Variants in MYO9A observed in about 807,000 individuals in gnomAD.
MYO9A encodes the protein myosin IXA.
A neutral mutation model predicts 293.3 loss-of-function variants in MYO9A; 103 were observed. The observed-to-expected ratio is 0.35, with a 90% CI of 0.30 to 0.41. The LOEUF is 0.41. Among genes scored for constraint, MYO9A ranks in the 10% least tolerant of loss-of-function variants. The pLI is 1.00. For synonymous variants in MYO9A, 1,001 were observed against 1,035.7 expected, an observed-to-expected ratio of 0.97 and a Z score of 0.64; for missense variants, 2,685 against 3,033.0, an observed-to-expected ratio of 0.89 and a Z score of 2.69.
At chr15:71,970,930 G>A (rs1200874814) in intron 12 of MYO9A, among the ~76,000 whole-genome samples, 4 of 151,570 alleles carry the variant, frequency 2.6e-5, no homozygotes, top group South Asian at 2.1e-4. Flanking sequence ...AGGCTGAGGC[G>A]GGTGGATCAC....
rs182750336 is a variant in MYO9A, at chr15:71,827,709, G to C, written c.7183+175C>G. Reference sequence around the variant, plus strand: ...CTTATCCCCATCCAGGTCACTACCTGTATGCCAAACGATGAAGGCTAAAAT... The same window carrying C: ...CTTATCCCCATCCAGGTCACTACCTCTATGCCAAACGATGAAGGCTAAAAT... On this transcript the variant is annotated intron_variant, in intron 41 of 41. Transcript: ENST00000356056. 6.6e-5 allele frequency among the ~76,000 whole-genome samples: 10 copies of C among 152,208 alleles called. No individual in the cohort carries two copies. The East Asian group carries it at 1.7e-3, about 26-fold the overall frequency.
At chr15:71,851,679 C>G (rs2055654350) in intron 36 of MYO9A, among the ~76,000 whole-genome samples, 1 of 152,088 alleles carries the variant, frequency 6.6e-6, no homozygotes, top group African/African-American at 2.4e-5. Flanking sequence ...ATCCTCAGGG[C>G]CTAAATACCT....
chr15:71,880,675 G>T (rs1193047966), intron 28 of MYO9A, 117 bp from the exon 29 acceptor site: 2 of 822,844 alleles, frequency 2.4e-6, no homozygotes, highest in Admixed American at 2.7e-5. Flanking sequence ...GCAAATATAT[G>T]AATAGCAAAG....
intron 19 of MYO9A, among the ~76,000 whole-genome samples, chr15:71,914,382 C>T (rs1415551418): frequency 6.6e-6 from 1 of 152,132 alleles, no homozygotes. Flanking sequence ...ACCAATTAAT[C>T]CTTTGTGAGT....
chr15:71,845,788 C>G (rs895622341), intron 39 of MYO9A, among the ~76,000 whole-genome samples: 1 of 152,148 alleles, frequency 6.6e-6, no homozygotes, highest in Non-Finnish European at 1.5e-5. Flanking sequence ...GTATGATTAA[C>G]TGGAAATTAC....
At chr15:72,062,120 C>T (rs897624032) in intron 1 of MYO9A, among the ~76,000 whole-genome samples, 1 of 152,206 alleles carries the variant, frequency 6.6e-6, no homozygotes, top group African/African-American at 2.4e-5. Context: ...TCTGCAAAAG[C>T]CACAGTGTTA....
intron 19 of MYO9A, among the ~76,000 whole-genome samples, chr15:71,906,478 T>G (rs1241448952): frequency 6.6e-6 from 1 of 152,160 alleles, no homozygotes; most frequent in African/African-American, 2.4e-5. Flanking sequence ...TTCAGATATT[T>G]GGGAGTTCTG....
intron 6 of MYO9A, among the ~76,000 whole-genome samples, chr15:72,012,797 T>A (rs1399496012): frequency 6.6e-6 from 1 of 152,158 alleles, no homozygotes; most frequent in Non-Finnish European, 1.5e-5. Context: ...TTCTTCTAAC[T>A]AACAGTGTTC....
At chr15:71,970,723 A>T (rs940514146) in intron 12 of MYO9A, among the ~76,000 whole-genome samples, 1 of 152,246 alleles carries the variant, frequency 6.6e-6, no homozygotes, top group Non-Finnish European at 1.5e-5. Flanking sequence ...TTATAATAAT[A>T]GGAAATTACA....
At chr15:72,019,007 G>GAAA (rs769746089) in intron 6 of MYO9A, 32 bp downstream of exon 6, 5 of 1,592,108 alleles carry the variant, frequency 3.1e-6, no homozygotes, top group Non-Finnish European at 4.3e-6. Flanking sequence ...CCCTTTGACA[G>GAAA]AAACACAGAA....
intron 2 of MYO9A, among the ~76,000 whole-genome samples, chr15:72,032,815 T>C (rs1366028412): frequency 2.6e-5 from 4 of 152,156 alleles, no homozygotes; most frequent in Admixed American, 2.6e-4. Flanking sequence ...TTTTGTGCTA[T>C]TCAGTAAAAT....
chr15:72,051,359 G>C (rs1164630299), intron 1 of MYO9A, among the ~76,000 whole-genome samples: 1 of 152,136 alleles, frequency 6.6e-6, no homozygotes, highest in African/African-American at 2.4e-5. Context: ...TGAGTTGACA[G>C]GGCAGGAGTT....
intron 39 of MYO9A, among the ~76,000 whole-genome samples, chr15:71,835,464 C>T (rs537581324): frequency 6.6e-6 from 1 of 151,904 alleles, no homozygotes; most frequent in Non-Finnish European, 1.5e-5. Flanking sequence ...TGAAAAATAC[C>T]AAAATCAATT....
intron 4 of MYO9A, among the ~76,000 whole-genome samples, chr15:72,025,150 G>T (rs2077624126): frequency 6.6e-6 from 1 of 152,032 alleles, no homozygotes; most frequent in African/African-American, 2.4e-5. Flanking sequence ...AAGTTACCAT[G>T]CAAGCAATAT....
Position 72,094,091 on chromosome 15 carries a change from T to C in MYO9A, c.-72+23589A>G, listed in dbSNP as rs1302858095. ...CAGACACGGTGGCTCGTAGCTATAATCCCAGGAACTTGAGAGGCTGAGGTG... is the reference window on the plus strand; with the variant it reads ...CAGACACGGTGGCTCGTAGCTATAACCCCAGGAACTTGAGAGGCTGAGGTG... On this transcript the variant is annotated intron_variant, in intron 1 of 41. Coordinates refer to ENST00000356056, the MANE Select transcript of MYO9A (RefSeq NM_006901.4). Among the ~76,000 whole-genome samples the C allele has an allele frequency of 8.9e-5, 8 of 89,814 alleles. 3 individuals carry two copies. In the East Asian group the frequency reaches 1.9e-3, roughly 21 times the overall value. 58.9% of individuals were successfully genotyped at this position (89,814 alleles called of 152,430 possible). A position where few individuals can be genotyped will look rare whatever the true frequency, so the allele number is the denominator to read the frequency against.
chr15:72,066,546 A>G (rs1256754752), intron 1 of MYO9A, among the ~76,000 whole-genome samples: 1 of 152,054 alleles, frequency 6.6e-6, no homozygotes, highest in Non-Finnish European at 1.5e-5. Flanking sequence ...AAACTAAATT[A>G]TCCCATTTAT....
chr15:72,111,142 G>C (rs1217652994), intron 1 of MYO9A, among the ~76,000 whole-genome samples: 4 of 148,830 alleles, frequency 2.7e-5, no homozygotes, highest in Non-Finnish European at 4.4e-5. Flanking sequence ...CTGGGCAACA[G>C]AGCGAGACTC....
At chr15:71,874,610 CAT>C (rs1251028801) in intron 32 of MYO9A, among the ~76,000 whole-genome samples, 2 of 152,144 alleles carry the variant, frequency 1.3e-5, no homozygotes, top group African/African-American at 4.8e-5. Flanking sequence ...ATGGCTATTA[CAT>C]AGAGAACTAT....
At chr15:72,083,169 G>C (rs987014080) in intron 1 of MYO9A, among the ~76,000 whole-genome samples, 1 of 151,852 alleles carries the variant, frequency 6.6e-6, no homozygotes, top group Non-Finnish European at 1.5e-5. Flanking sequence ...TTGCTCGATG[G>C]GCTATTTATT....
Sources: allele counts gnomAD v4.1 joint callset (sites outside exome capture counted in the v4.1 genomes callset), GRCh38; gene constraint gnomAD v4.1.1; transcripts MANE v1.5; gene names NCBI Gene and HGNC (gene_info 2026-07-23, HGNC 2026-07-21).